The following MME variants were observed in gnomAD, a reference collection of about 807,000 sequenced individuals.
The protein encoded by MME is membrane metalloendopeptidase.
Under a neutral mutation model 113.2 loss-of-function variants are expected in MME, and 98 were observed. The ratio of observed to expected loss-of-function variants is 0.87; its 90% CI spans 0.74 to 1.02. The LOEUF is 1.02. MME is among the 50% of genes least tolerant of loss of function. The pLI, the probability that MME is intolerant of heterozygous loss-of-function variation, is 0.00. For missense variants in MME, 836 were observed against 896.0 expected (o/e 0.93, Z 0.86); for synonymous variants, 292 against 300.6 (o/e 0.97, Z 0.30).
intron 1 of MME, among the ~76,000 whole-genome samples, chr3:155,071,633 A>C (rs1351183229): frequency 6.6e-6 from 1 of 152,182 alleles, no homozygotes; most frequent in Non-Finnish European, 1.5e-5. Context: ...GTAATGCTAC[A>C]ATTTCAACAA....
chr3:155,130,120 G>A (rs1479117955), intron 8 of MME, among the ~76,000 whole-genome samples: 2 of 152,092 alleles, frequency 1.3e-5, no homozygotes, highest in African/African-American at 2.4e-5. Flanking sequence ...CAAAATATTT[G>A]AGCATAATTA....
intron 20 of MME, among the ~76,000 whole-genome samples, chr3:155,171,219 A>G (rs1711907844): frequency 6.6e-6 from 1 of 152,176 alleles, no homozygotes; most frequent in African/African-American, 2.4e-5. Flanking sequence ...AAATATGTAA[A>G]TTCTTAACGT....
rs1468691508 is a variant in MME, at chr3:155,141,988, C to T, written c.958-3C>T. ...TGAATGTTTCATGCCTGCTTTTTTCCAGCCATTCAGCTGGTTGAATTTCAC... is the reference window on the plus strand; with the variant it reads ...TGAATGTTTCATGCCTGCTTTTTTCTAGCCATTCAGCTGGTTGAATTTCAC... On this transcript the variant is annotated splice_region_variant and splice_polypyrimidine_tract_variant and intron_variant, in intron 10 of 22. Transcript: ENST00000360490. 4 of 1,613,300 alleles carry T rather than the reference C, an allele frequency of 2.5e-6. No homozygotes were observed. The highest frequency in any genetic ancestry group is 1.7e-5 in the Admixed American group (1 of 59,920).
intron 8 of MME, among the ~76,000 whole-genome samples, chr3:155,124,513 A>G (rs1439905299): frequency 6.6e-6 from 1 of 151,860 alleles, no homozygotes; most frequent in African/African-American, 2.4e-5. Flanking sequence ...TAGAGTTTCC[A>G]GTTTTTCTGT....
At chr3:155,103,296 T>C (rs1717417874) in intron 3 of MME, among the ~76,000 whole-genome samples, 1 of 152,252 alleles carries the variant, frequency 6.6e-6, no homozygotes, top group Non-Finnish European at 1.5e-5. Flanking sequence ...AAACTATTGA[T>C]GCCTATGCAA....
chr3:155,117,074 T>C (rs918202886), intron 7 of MME, 88 bp downstream of exon 7: 2 of 829,188 alleles, frequency 2.4e-6, no homozygotes, highest in African/African-American at 3.4e-5. Context: ...TTAGAAATAA[T>C]GCTATTTTCA....
chr3:155,037,808 G>C (rs1013597407), intron 1 of MME, among the ~76,000 whole-genome samples: 1 of 152,190 alleles, frequency 6.6e-6, no homozygotes, highest in Non-Finnish European at 1.5e-5. Context: ...GGTCATTGAT[G>C]TTCTTGATAG....
chr3:155,131,075 C>T (rs548930378), intron 8 of MME, among the ~76,000 whole-genome samples: 1 of 152,184 alleles, frequency 6.6e-6, no homozygotes, highest in East Asian at 1.9e-4. Flanking sequence ...TAATAAGTGA[C>T]TGGGGTAAGG....
At position 155,052,120 on chromosome 3, in the gene MME, G is replaced by C. The variant is rs113591956; in HGVS notation, c.-11+27796G>C. Reference sequence around the variant, plus strand: ...ATATCCAGGTCATGCTGATGTAAGAGGTGGGCTTCCACAGCCCTGGTCAGT... The same window carrying C: ...ATATCCAGGTCATGCTGATGTAAGACGTGGGCTTCCACAGCCCTGGTCAGT... On this transcript the variant is annotated intron_variant, in intron 1 of 22. Coordinates refer to the MME transcript ENST00000492661. Among the ~76,000 whole-genome samples the C allele has an allele frequency of 5.7e-4, 87 of 152,306 alleles. 1 individual carries two copies. Among genetic ancestry groups the C allele is most frequent in the African/African-American group, 2.0e-3 (82 of 41,584 alleles).
upstream of MME, among the ~76,000 whole-genome samples, chr3:155,079,241 A>G (rs187507869): frequency 5.3e-5 from 8 of 152,158 alleles, no homozygotes; most frequent in East Asian, 1.6e-3. Context: ...GGACATTTAA[A>G]TGAAGAAGGA....
At position 155,172,612 on chromosome 3, in the gene MME, G is replaced by A. The variant is rs772886561; in HGVS notation, c.2153G>A (p.Arg718Lys). ...KTDVHSPGNF[R>K]IIGTLQNSAE... Reference sequence around the variant, plus strand: ...GATGTGCACAGTCCAGGCAATTTCAGGTGCGTGGATATGAACAGCAATCAA... The same window carrying A: ...GATGTGCACAGTCCAGGCAATTTCAAGTGCGTGGATATGAACAGCAATCAA... The change falls in exon 22 of 23, where the codon AGG becomes AAG. Residue 718 changes from arginine (R) to lysine (K), a missense_variant and splice_region_variant. Coordinates refer to ENST00000360490, the MANE Select transcript of MME (RefSeq NM_007289.4). The A allele has an allele frequency of 3.1e-6, 5 of 1,609,348 alleles. No individual in the cohort carries two copies. Among genetic ancestry groups the A allele is most frequent in the Non-Finnish European group, 4.3e-6 (5 of 1,175,984 alleles).
intron 18 of MME, among the ~76,000 whole-genome samples, chr3:155,168,055 G>T (rs976953339): frequency 9.9e-5 from 15 of 152,154 alleles, no homozygotes; most frequent in African/African-American, 3.4e-4. Flanking sequence ...GACTTTTTTT[G>T]TGTGCTTGAA....
intron 22 of MME, among the ~76,000 whole-genome samples, chr3:155,176,486 T>G (rs1435107019): frequency 1.3e-5 from 2 of 152,114 alleles, no homozygotes; most frequent in South Asian, 2.1e-4. Context: ...GTGATCTCAC[T>G]CTTAGAAAAA....
chr3:155,072,160 T>A, intron 1 of MME, among the ~76,000 whole-genome samples: 1 of 92,186 alleles, frequency 1.1e-5, no homozygotes, highest in African/African-American at 4.2e-5. Context: ...AGAGCGAGAC[T>A]CCGTCTCAAA....
At chr3:155,029,333 T>A (rs1419353819) in intron 1 of MME, among the ~76,000 whole-genome samples, 3 of 152,182 alleles carry the variant, frequency 2.0e-5, no homozygotes, top group Non-Finnish European at 4.4e-5. Flanking sequence ...CTTAAAAAAT[T>A]TTTTTCTATT....
chr3:155,099,198 A>C lies in MME; in HGVS notation c.196+14104A>C, dbSNP rs1339087081. Among the ~76,000 whole-genome samples, 3 of 152,232 alleles carry C rather than the reference A, an allele frequency of 2.0e-5. 1 individual carries two copies. The highest frequency in any genetic ancestry group is 4.4e-5 in the Non-Finnish European group (3 of 68,044). On this transcript the variant is annotated intron_variant, in intron 3 of 22. Transcript: ENST00000360490. ...TTATCACTCAAAAGGGTAAGCAGCA[A>C]CTAATAAGAAGAGGTGCTGGAGGGC... is the stretch of plus-strand genomic sequence containing the variant.
upstream of MME, among the ~76,000 whole-genome samples, chr3:155,076,815 G>C (rs1421460098): frequency 1.3e-5 from 2 of 152,160 alleles, no homozygotes; most frequent in Non-Finnish European, 2.9e-5. Context: ...TTAACTTCTG[G>C]ATGTTGCTAT....
chr3:155,057,667 C>A (rs1213810952), intron 1 of MME, among the ~76,000 whole-genome samples: 1 of 150,854 alleles, frequency 6.6e-6, no homozygotes, highest in Non-Finnish European at 1.5e-5. Flanking sequence ...TTTCCCCAAG[C>A]TGACCAGACA....
chr3:155,087,486 G>A lies in MME; in HGVS notation c.196+2392G>A, dbSNP rs7639962. Reference sequence around the variant, plus strand: ...TCTCCGTGGTCATGTGCAAAAGTCAGCATGTGCCCAAGTTGTCAAAGTTAA... The same window carrying A: ...TCTCCGTGGTCATGTGCAAAAGTCAACATGTGCCCAAGTTGTCAAAGTTAA... On this transcript the variant is annotated intron_variant, in intron 3 of 22. Transcript: ENST00000360490. Among the ~76,000 whole-genome samples, 1,318 of 152,164 alleles carry A rather than the reference G, an allele frequency of 8.7e-3. 24 individuals carry two copies. The highest frequency in any genetic ancestry group is 0.03 in the African/African-American group (1,244 of 41,508).
Sources: gnomAD v4.1 joint callset for allele counts (sites outside exome capture counted in the v4.1 genomes callset) on GRCh38, gnomAD v4.1.1 for gene constraint, MANE v1.5 for transcripts, NCBI Gene and HGNC (gene_info 2026-07-23, HGNC 2026-07-21) for gene names.